The following SAMD12 variants were observed in gnomAD, a reference collection of about 807,000 sequenced individuals.
The protein encoded by SAMD12 is sterile alpha motif domain-containing protein 12.
In SAMD12, 9 loss-of-function variants were observed where a neutral mutation model predicts 15.0. The ratio of observed to expected loss-of-function variants is 0.60; its 90% CI spans 0.36 to 1.05. The LOEUF (loss-of-function observed/expected upper bound fraction) is 1.05, where lower values mean the gene tolerates loss of function less well. Ranked by LOEUF, SAMD12 falls within the 50% of genes least tolerant of loss-of-function variation. The pLI, the probability that SAMD12 is intolerant of heterozygous loss-of-function variation, is 0.01. For missense variants in SAMD12, 230 were observed against 234.2 expected, an observed-to-expected ratio of 0.98 and a Z score of 0.12; for synonymous variants, 86 against 90.1, an observed-to-expected ratio of 0.96 and a Z score of 0.25.
At position 118,621,803 on chromosome 8, in the gene SAMD12, C is replaced by T; in HGVS notation, c.13+1G>A. On this transcript the variant is annotated splice_donor_variant, in intron 1 of 3. Coordinates refer to ENST00000314727, the MANE Select transcript of SAMD12 (RefSeq NM_207506.3). LOFTEE classifies it high-confidence loss of function. ...TTAAAAATGCCCCAAGCGTCCCTTA[C>T]CTTCCACAGCCATTCTCTCAGAGCT... is the stretch of plus-strand genomic sequence containing the variant. 2 of 1,614,152 alleles carry T rather than the reference C, an allele frequency of 1.2e-6. No individual in the cohort carries two copies. Among genetic ancestry groups the T allele is most frequent in the Non-Finnish European group, 1.7e-6 (2 of 1,179,996 alleles).
intron 2 of SAMD12, among the ~76,000 whole-genome samples, chr8:118,546,360 A>G (rs1240076578): frequency 6.6e-6 from 1 of 152,110 alleles, no homozygotes; most frequent in African/African-American, 2.4e-5. Flanking sequence ...AACCAGAGAT[A>G]ACACTGAATC....
the SAMD12 span, among the ~76,000 whole-genome samples, chr8:118,155,172 T>C: frequency 6.6e-6 from 1 of 152,340 alleles, no homozygotes; most frequent in Admixed American, 6.5e-5. Flanking sequence ...ATATCTAATG[T>C]ATTATAAAGT....
At chr8:118,539,091 C>T (rs1398144581) in intron 2 of SAMD12, among the ~76,000 whole-genome samples, 3 of 152,232 alleles carry the variant, frequency 2.0e-5, no homozygotes, top group African/African-American at 7.2e-5. Context: ...AACATTATTA[C>T]ATTCAGCACA....
intron 2 of SAMD12, among the ~76,000 whole-genome samples, chr8:118,564,205 C>T (rs192986772): frequency 6.6e-6 from 1 of 151,892 alleles, no homozygotes; most frequent in African/African-American, 2.4e-5. Context: ...CCCCCGCCAC[C>T]TGCCCGCCGA....
At chr8:118,175,238 G>A in the SAMD12 span, among the ~76,000 whole-genome samples, 1 of 152,100 alleles carries the variant, frequency 6.6e-6, no homozygotes, top group Non-Finnish European at 1.5e-5. Flanking sequence ...AAGCAATAGG[G>A]AAAGGACTCC....
chr8:118,152,748 C>G, the SAMD12 span, among the ~76,000 whole-genome samples: 1 of 152,160 alleles, frequency 6.6e-6, no homozygotes, highest in Non-Finnish European at 1.5e-5. Context: ...GTTCACCCCC[C>G]TCGGCCTCCC....
chr8:118,275,547 T>A (rs1308068384), intron 4 of SAMD12, among the ~76,000 whole-genome samples: 3 of 152,298 alleles, frequency 2.0e-5, no homozygotes, highest in Non-Finnish European at 2.9e-5. Flanking sequence ...TCTGCTTTTT[T>A]AAAAAAGTAA....
chr8:118,535,531 G>A (rs903009939), intron 2 of SAMD12, among the ~76,000 whole-genome samples: 6 of 152,220 alleles, frequency 3.9e-5, no homozygotes, highest in African/African-American at 1.4e-4. Flanking sequence ...GTTCAGCTAT[G>A]CCCTGCCCCC....
chr8:118,166,412 T>G, the SAMD12 span, among the ~76,000 whole-genome samples: 2 of 152,210 alleles, frequency 1.3e-5, no homozygotes, highest in African/African-American at 4.8e-5. Context: ...GGAGACTGGC[T>G]TTTTGTGGCT....
At chr8:118,263,203 C>T (rs554767437) in intron 4 of SAMD12, among the ~76,000 whole-genome samples, 7 of 152,064 alleles carry the variant, frequency 4.6e-5, no homozygotes, top group South Asian at 2.1e-4. Flanking sequence ...ATTTAGGCGA[C>T]GGTTGGAAGA....
chr8:118,418,865 A>G (rs1383949288), intron 3 of SAMD12, among the ~76,000 whole-genome samples: 1 of 152,186 alleles, frequency 6.6e-6, no homozygotes, highest in African/African-American at 2.4e-5. Flanking sequence ...ATGTTTTTCC[A>G]TTGTTTCTAG....
chr8:118,443,657 T>C (rs1822821496), intron 2 of SAMD12, among the ~76,000 whole-genome samples: 1 of 152,230 alleles, frequency 6.6e-6, no homozygotes, highest in Non-Finnish European at 1.5e-5. Flanking sequence ...GAAATTACTA[T>C]TAGTTTGCCA....
At chr8:118,144,810 G>T in the SAMD12 span, among the ~76,000 whole-genome samples, 3 of 152,156 alleles carry the variant, frequency 2.0e-5, no homozygotes, top group Non-Finnish European at 4.4e-5. Context: ...AAAGCTGAAG[G>T]CCACAATTAG....
At chr8:118,253,055 G>A (rs1427742270) in intron 4 of SAMD12, among the ~76,000 whole-genome samples, 1 of 152,142 alleles carries the variant, frequency 6.6e-6, no homozygotes, top group African/African-American at 2.4e-5. Context: ...GAGACCTGAA[G>A]CCCCTTAAAG....
chr8:118,474,825 G>A (rs967306525), intron 2 of SAMD12, among the ~76,000 whole-genome samples: 9 of 152,102 alleles, frequency 5.9e-5, no homozygotes, highest in Admixed American at 2.0e-4. Flanking sequence ...CAATGTTCTC[G>A]GTAGAGACTA....
At chr8:118,583,657 G>A (rs1827352529) in intron 1 of SAMD12, among the ~76,000 whole-genome samples, 1 of 151,706 alleles carries the variant, frequency 6.6e-6, no homozygotes, top group Admixed American at 6.6e-5. Context: ...AGAAATGCTG[G>A]TCCTACTCCA....
chr8:118,233,926 CAG>C (rs1428903202), intron 4 of SAMD12, among the ~76,000 whole-genome samples: 2 of 152,176 alleles, frequency 1.3e-5, no homozygotes, highest in African/African-American at 4.8e-5. Flanking sequence ...CCTTCAAAAA[CAG>C]AGGTTGCCAG....
At chr8:118,261,303 C>G (rs1234392745) in intron 4 of SAMD12, among the ~76,000 whole-genome samples, 1 of 152,072 alleles carries the variant, frequency 6.6e-6, no homozygotes, top group Non-Finnish European at 1.5e-5. Flanking sequence ...AACAATTCTT[C>G]TCCTGAATTC....
chr8:118,136,687 C>T, the SAMD12 span, among the ~76,000 whole-genome samples: 1 of 152,184 alleles, frequency 6.6e-6, no homozygotes, highest in Admixed American at 6.5e-5. Flanking sequence ...GTGTACACAG[C>T]TGATGTCTTT....
Sources: allele counts gnomAD v4.1 joint callset (sites outside exome capture counted in the v4.1 genomes callset), GRCh38; gene constraint gnomAD v4.1.1; transcripts MANE v1.5; gene names NCBI Gene and HGNC (gene_info 2026-07-23, HGNC 2026-07-21).